The following SLC4A8 variants were observed in gnomAD, a reference collection of about 807,000 sequenced individuals.
SLC4A8 encodes solute carrier family 4 member 8, also known as electroneutral sodium bicarbonate exchanger 1.
Under a neutral mutation model 125.0 loss-of-function variants are expected in SLC4A8, and 40 were observed. That is an observed-to-expected ratio of 0.32 (90% CI 0.25 to 0.42). The LOEUF (loss-of-function observed/expected upper bound fraction) is 0.42. Ranked by LOEUF, SLC4A8 falls within the 10% of genes least tolerant of loss-of-function variation. The probability of loss-of-function intolerance (pLI) is 1.00; values close to 1 mark genes in which losing one functional copy is unlikely to be tolerated. For missense variants in SLC4A8, 863 were observed against 1,355.1 expected, an observed-to-expected ratio of 0.64 and a Z score of 5.70; for synonymous variants, 456 against 476.0, an observed-to-expected ratio of 0.96 and a Z score of 0.55.
At chr12:51,424,780 G>T (rs1463815514), upstream of SLC4A8, 2 of 546,396 alleles carry the variant, frequency 3.7e-6, no homozygotes, top group Admixed American at 7.0e-5. Context: ...CGTGCTCCGC[G>T]CCCTGATTGG....
At chr12:51,412,193 T>C (rs919871470) in intron 1 of SLC4A8, among the ~76,000 whole-genome samples, 2 of 152,190 alleles carry the variant, frequency 1.3e-5, no homozygotes, top group Non-Finnish European at 2.9e-5. Flanking sequence ...CCATGAACCA[T>C]TGAAAAGATG....
At chr12:51,461,778 C>T in intron 9 of SLC4A8, 1 of 187,778 alleles carries the variant, frequency 5.3e-6, no homozygotes, top group Non-Finnish European at 1.1e-5. Flanking sequence ...ACCCACAGTG[C>T]ATACTCTGGT....
In SLC4A8 at chr12:51,424,882, C is replaced by A; in HGVS notation, c.-106C>A. 1 of 1,246,344 alleles carries A rather than the reference C, an allele frequency of 8.0e-7. No individual in the cohort carries two copies. The highest frequency in any genetic ancestry group is 1.1e-6 in the Non-Finnish European group (1 of 889,608). The allele number at this position is 1,246,344 out of a possible 1,614,324, so 77.2% of individuals were successfully genotyped here. A position where few individuals can be genotyped will look rare whatever the true frequency, so the allele number is the denominator to read the frequency against. ...GCGGTTGATGGTTGACCGTTGGCTC[C>A]GGGGTGGGGGTCGCCGTTCGAGTGA... On this transcript the variant is annotated 5_prime_UTR_variant, in exon 1 of 25. Transcript: ENST00000453097.
intron 1 of SLC4A8, among the ~76,000 whole-genome samples, chr12:51,398,985 G>A (rs148715126): frequency 2.7e-4 from 41 of 152,324 alleles, no homozygotes; most frequent in African/African-American, 8.9e-4. Flanking sequence ...CTGATCTCAG[G>A]TGATCCACCT....
chr12:51,414,605 G>A (rs1393274242), intron 1 of SLC4A8, among the ~76,000 whole-genome samples: 1 of 152,124 alleles, frequency 6.6e-6, no homozygotes, highest in Non-Finnish European at 1.5e-5. Context: ...CATAAAACGA[G>A]GTGGGAAGAT....
At chr12:51,421,925 T>G (rs1289626978), upstream of SLC4A8, 1 of 152,244 alleles carries the variant, frequency 6.6e-6, no homozygotes, top group Non-Finnish European at 1.5e-5. Context: ...AACTCTTTAT[T>G]TACTTAACAG....
intron 1 of SLC4A8, among the ~76,000 whole-genome samples, chr12:51,403,802 C>T (rs972470469): frequency 6.6e-6 from 1 of 152,284 alleles, no homozygotes; most frequent in African/African-American, 2.4e-5. Flanking sequence ...CCATGTCAGC[C>T]TTGGGGCAAT....
At chr12:51,432,615 C>T (rs1466817617) in intron 1 of SLC4A8, among the ~76,000 whole-genome samples, 7 of 151,776 alleles carry the variant, frequency 4.6e-5, no homozygotes, top group South Asian at 4.2e-4. Flanking sequence ...CCCAGCTACT[C>T]GGCAGGCTGA....
chr12:51,485,038 C>G (rs1951126271), intron 16 of SLC4A8, among the ~76,000 whole-genome samples: 1 of 152,036 alleles, frequency 6.6e-6, no homozygotes, highest in African/African-American at 2.4e-5. Flanking sequence ...TTTAAGGAAA[C>G]AGCAACGCAG....
intron 1 of SLC4A8, among the ~76,000 whole-genome samples, chr12:51,417,941 C>T (rs1461962531): frequency 1.3e-5 from 2 of 152,190 alleles, no homozygotes; most frequent in African/African-American, 2.4e-5. Context: ...CGTGAGCCAC[C>T]ATATCTGGCT....
At chr12:51,407,118 C>T (rs1395548648) in intron 1 of SLC4A8, among the ~76,000 whole-genome samples, 1 of 152,148 alleles carries the variant, frequency 6.6e-6, no homozygotes, top group Admixed American at 6.5e-5. Flanking sequence ...CAAGATGGTG[C>T]CTTGTTGCTG....
chr12:51,433,272 T>G (rs952279451), intron 1 of SLC4A8, among the ~76,000 whole-genome samples: 2 of 152,200 alleles, frequency 1.3e-5, no homozygotes, highest in African/African-American at 4.8e-5. Context: ...ACCCTCTTAG[T>G]TCTTTTTATC....
chr12:51,500,234 T>G (rs1937791024), intron 22 of SLC4A8, among the ~76,000 whole-genome samples: 1 of 152,224 alleles, frequency 6.6e-6, no homozygotes, highest in East Asian at 1.9e-4. Flanking sequence ...ATTATATTCC[T>G]TATTTTCCAA....
intron 1 of SLC4A8, among the ~76,000 whole-genome samples, chr12:51,397,529 C>T (rs1187551200): frequency 6.6e-6 from 1 of 151,992 alleles, no homozygotes; most frequent in Admixed American, 6.6e-5. Flanking sequence ...TATTATTTTT[C>T]CTAATGATCC....
intron 23 of SLC4A8, 87 bp from the exon 24 acceptor site, chr12:51,505,748 C>A: frequency 1.8e-6 from 1 of 551,848 alleles, no homozygotes; most frequent in Non-Finnish European, 3.2e-6. Context: ...CCATCTTCTC[C>A]CTTCTATTGG....
chr12:51,498,222 C>G (rs1183884669), intron 22 of SLC4A8, among the ~76,000 whole-genome samples: 2 of 152,008 alleles, frequency 1.3e-5, no homozygotes, highest in Non-Finnish European at 2.9e-5. Flanking sequence ...ATCCAAAACT[C>G]TAATCAAAAT....
intron 7 of SLC4A8, among the ~76,000 whole-genome samples, chr12:51,459,448 A>AC (rs1555193206): frequency 6.8e-6 from 1 of 146,384 alleles, no homozygotes; most frequent in African/African-American, 2.5e-5. Context: ...CAAATACTTC[A>AC]TTTTTTTTTT....
At chr12:51,477,092 C>T (rs530945689) in intron 16 of SLC4A8, among the ~76,000 whole-genome samples, 21 of 151,652 alleles carry the variant, frequency 1.4e-4, no homozygotes, top group Middle Eastern at 6.8e-3. Context: ...TTAGTAGAGA[C>T]GGGGTTTCTC....
At position 51,470,458 on chromosome 12, in the gene SLC4A8, G is replaced by T. The variant is rs1950658967; in HGVS notation, c.1591G>T (p.Ala531Ser). ...TGCTTATTCCTTGTTTGCGGGACAGGCTCTCACCATCCTGGGAAGTACTGG... is the reference window on the plus strand; with the variant it reads ...TGCTTATTCCTTGTTTGCGGGACAGTCTCTCACCATCCTGGGAAGTACTGG... Reference protein sequence around the residue: ...GIAYSLFAGQALTILGSTGPV... With the variant: ...GIAYSLFAGQSLTILGSTGPV... The change falls in exon 13 of 25, where the codon GCT (alanine) becomes TCT (serine). Residue 531 changes from alanine to serine, a missense_variant. Physicochemically the swap from Ala to Ser is moderately conservative, Grantham distance 99. Transcript: ENST00000453097. 2 of 1,613,368 alleles carry T rather than the reference G, an allele frequency of 1.2e-6. No homozygotes were observed. Among genetic ancestry groups the T allele is most frequent in the South Asian group, 1.1e-5 (1 of 91,064 alleles).
Sources: allele counts gnomAD v4.1 joint callset (sites outside exome capture counted in the v4.1 genomes callset), GRCh38; gene constraint gnomAD v4.1.1; transcripts MANE v1.5; gene names NCBI Gene and HGNC (gene_info 2026-07-23, HGNC 2026-07-21).